TFPI: variants seen among roughly 807,000 people sequenced by gnomAD.
The protein encoded by TFPI is tissue factor pathway inhibitor, also known as anti-convertin.
In TFPI, 15 loss-of-function variants were observed where a neutral mutation model predicts 34.6. That is an observed-to-expected ratio of 0.43 (90% CI 0.29 to 0.67). The LOEUF (loss-of-function observed/expected upper bound fraction) is 0.67, where lower values mean the gene tolerates loss of function less well. Among genes scored for constraint, TFPI ranks in the 30% least tolerant of loss-of-function variants. TFPI has a pLI of 0.15. For synonymous variants in TFPI, 105 were observed against 120.1 expected (o/e 0.87, Z 0.82); for missense variants, 301 against 364.0 (o/e 0.83, Z 1.41).
At chr2:187,528,079 TG>T (rs1176019369) in intron 1 of TFPI, among the ~76,000 whole-genome samples, 1 of 152,116 alleles carries the variant, frequency 6.6e-6, no homozygotes, top group Non-Finnish European at 1.5e-5. Context: ...GTTGCCTAAA[TG>T]TTTTCTATTT....
Position 187,484,901 on chromosome 2 carries a change from GT to G in TFPI, c.444del (p.Lys148AsnfsTer15). ...ITRYFYNNQT[K>X]QCERFKYGGC... ...CCACCATACTTGAAACGTTCACACT[GT>G]TTTGTCTGATTGTTATAAAAATACC... is the stretch of plus-strand genomic sequence containing the variant. On this transcript the variant is annotated frameshift_variant, in exon 5 of 8. Coordinates refer to ENST00000233156, the MANE Select transcript of TFPI (RefSeq NM_006287.6). LOFTEE classifies it high-confidence loss of function. The G allele has an allele frequency of 6.3e-7, 1 of 1,591,076 alleles. No individual in the cohort carries two copies.
intron 2 of TFPI, 81 bp from the exon 3 acceptor site, chr2:187,497,159 C>T (rs1685541465): frequency 2.4e-6 from 3 of 1,276,422 alleles, no homozygotes; most frequent in Non-Finnish European, 3.2e-6. Flanking sequence ...TTTAATATGT[C>T]CTGATTTTAA....
chr2:187,543,571 A>C (rs1253941799), intron 1 of TFPI, among the ~76,000 whole-genome samples: 2 of 152,246 alleles, frequency 1.3e-5, no homozygotes, highest in African/African-American at 4.8e-5. Context: ...TTGTTTGCTC[A>C]TGAAACATTC....
intron 1 of TFPI, chr2:187,527,228 T>C (rs1687725736): frequency 6.6e-6 from 1 of 152,210 alleles, no homozygotes; most frequent in Admixed American, 6.5e-5. Context: ...TTTCCTTTTT[T>C]TGAAGTTTAC....
intron 1 of TFPI, among the ~76,000 whole-genome samples, chr2:187,531,605 G>A (rs946072402): frequency 4.6e-5 from 7 of 151,710 alleles, no homozygotes; most frequent in South Asian, 2.1e-4. Context: ...CATGATAATC[G>A]TACAAGTTCT....
At chr2:187,477,235 G>A (rs1007903324) in intron 6 of TFPI, among the ~76,000 whole-genome samples, 1 of 152,144 alleles carries the variant, frequency 6.6e-6, no homozygotes, top group Non-Finnish European at 1.5e-5. Context: ...TTTCTCATCA[G>A]CATTCCTGTC....
intron 1 of TFPI, among the ~76,000 whole-genome samples, chr2:187,542,833 C>G (rs1014191188): frequency 6.8e-6 from 1 of 146,448 alleles, no homozygotes; most frequent in Non-Finnish European, 1.5e-5. Context: ...TGCCACTGCA[C>G]TCCAGCCTGG....
intron 1 of TFPI, among the ~76,000 whole-genome samples, chr2:187,542,364 G>A (rs1052437358): frequency 6.6e-6 from 1 of 151,400 alleles, no homozygotes. Flanking sequence ...TTTTGCCAGG[G>A]GAAACAAAGA....
intron 6 of TFPI, among the ~76,000 whole-genome samples, chr2:187,483,596 G>C (rs181025626): frequency 1.2e-3 from 175 of 151,988 alleles, no homozygotes; most frequent in South Asian, 7.5e-3. Context: ...CTGATAAATA[G>C]GTTAACAGAC....
At chr2:187,492,546 G>T (rs8176602) in intron 3 of TFPI, among the ~76,000 whole-genome samples, 2,417 of 152,280 alleles carry the variant, frequency 0.016, 21 homozygotes, top group Non-Finnish European at 0.027. Context: ...ACAACCAGGA[G>T]GGAGGCTGTA....
At chr2:187,522,456 T>C (rs1293015445) in intron 1 of TFPI, among the ~76,000 whole-genome samples, 1 of 152,074 alleles carries the variant, frequency 6.6e-6, no homozygotes, top group Admixed American at 6.5e-5. Context: ...TTAGTTATGC[T>C]AGAATAGTAA....
At chr2:187,473,049 T>C (rs934470601) in intron 6 of TFPI, among the ~76,000 whole-genome samples, 4 of 152,100 alleles carry the variant, frequency 2.6e-5, no homozygotes, top group African/African-American at 4.8e-5. Flanking sequence ...TACACTGTTA[T>C]ACACTATCAG....
intron 1 of TFPI, chr2:187,514,879 A>G (rs1025628867): frequency 2.6e-5 from 4 of 152,256 alleles, no homozygotes; most frequent in African/African-American, 9.6e-5. Context: ...ATTTGAGTCA[A>G]TATTTTGGTG....
At chr2:187,500,647 T>C (rs1360765971) in intron 2 of TFPI, among the ~76,000 whole-genome samples, 1 of 152,204 alleles carries the variant, frequency 6.6e-6, no homozygotes, top group Non-Finnish European at 1.5e-5. Context: ...TTATATTTTG[T>C]TAATTATTAG....
intron 3 of TFPI, among the ~76,000 whole-genome samples, chr2:187,490,703 C>T (rs374364508): frequency 6.6e-6 from 1 of 151,554 alleles, no homozygotes; most frequent in South Asian, 2.1e-4. Context: ...CGTGACTGGA[C>T]CATTAAATTT....
intron 1 of TFPI, among the ~76,000 whole-genome samples, chr2:187,509,069 A>G (rs554220793): frequency 6.6e-6 from 1 of 152,250 alleles, no homozygotes; most frequent in African/African-American, 2.4e-5. Flanking sequence ...GGTTTTTGTC[A>G]TTGGTTCTCT....
chr2:187,508,567 C>T (rs571808870), intron 1 of TFPI, among the ~76,000 whole-genome samples: 34 of 152,090 alleles, frequency 2.2e-4, no homozygotes, highest in African/African-American at 7.7e-4. Context: ...TTCTCTTTGT[C>T]GCAATTGTGA....
At chr2:187,547,747 T>C (rs1443904136) in intron 1 of TFPI, 1 of 152,170 alleles carries the variant, frequency 6.6e-6, no homozygotes, top group African/African-American at 2.4e-5. Flanking sequence ...CAATAAATAG[T>C]ACTCTTTGAT....
At chr2:187,520,898 T>C (rs1459090378) in intron 1 of TFPI, among the ~76,000 whole-genome samples, 1 of 152,130 alleles carries the variant, frequency 6.6e-6, no homozygotes, top group Non-Finnish European at 1.5e-5. Flanking sequence ...AGTTGGCTCC[T>C]GTACTTCTTT....
Sources: gnomAD v4.1 joint callset for allele counts (sites outside exome capture counted in the v4.1 genomes callset) on GRCh38, gnomAD v4.1.1 for gene constraint, MANE v1.5 for transcripts, NCBI Gene and HGNC (gene_info 2026-07-23, HGNC 2026-07-21) for gene names.